The following PRDM16 variants were observed in gnomAD, a reference collection of about 807,000 sequenced individuals.
PRDM16 encodes the protein PR/SET domain 16.
Under a neutral mutation model 110.6 loss-of-function variants are expected in PRDM16, and 23 were observed. The observed-to-expected ratio is 0.21, with a 90% confidence interval of 0.15 to 0.29. The LOEUF is 0.29. Among genes scored for constraint, PRDM16 ranks in the 10% least tolerant of loss-of-function variants. The probability of loss-of-function intolerance (pLI) is 1.00; values close to 1 mark genes in which losing one functional copy is unlikely to be tolerated. For missense variants in PRDM16, 1,615 were observed against 1,794.3 expected, an observed-to-expected ratio of 0.90 and a Z score of 1.81; for synonymous variants, 799 against 781.8, an observed-to-expected ratio of 1.02 and a Z score of -0.37.
chr1:3,162,524 A>G (rs954816083), intron 1 of PRDM16, among the ~76,000 whole-genome samples: 24 of 152,022 alleles, frequency 1.6e-4, no homozygotes, highest in African/African-American at 4.3e-4. Flanking sequence ...TCGCAGGCCC[A>G]CGAAGGTCGT....
chr1:3,368,642 A>G (rs1204895075), intron 3 of PRDM16, among the ~76,000 whole-genome samples: 1 of 152,212 alleles, frequency 6.6e-6, no homozygotes, highest in African/African-American at 2.4e-5. Context: ...AGGATAGCAG[A>G]CAGGGACCCA....
Position 3,247,790 on chromosome 1 carries a change from C to T in PRDM16, c.438+3653C>T, listed in dbSNP as rs568597683. Among the ~76,000 whole-genome samples, 54 of 152,382 alleles carry T rather than the reference C, an allele frequency of 3.5e-4. 1 individual carries two copies. The South Asian group carries it at 9.9e-3, about 28-fold the overall frequency. On this transcript the variant is annotated intron_variant, in intron 3 of 16. Transcript: ENST00000270722. ...GCGCCCTGGGCGCGCGTCACCGGCGCTTCCCAAAAAGTCACATTGGCTGTG... is the reference window on the plus strand; with the variant it reads ...GCGCCCTGGGCGCGCGTCACCGGCGTTTCCCAAAAAGTCACATTGGCTGTG...
chr1:3,328,486 C>T (rs1255479250), intron 3 of PRDM16, among the ~76,000 whole-genome samples: 4 of 152,144 alleles, frequency 2.6e-5, no homozygotes, highest in Non-Finnish European at 4.4e-5. Context: ...GCAGCCGGGG[C>T]TCTTAGGAAA....
chr1:3,374,643 G>T (rs2368593), intron 3 of PRDM16, among the ~76,000 whole-genome samples: 56,061 of 152,026 alleles, frequency 0.37, 11,349 homozygotes, highest in East Asian at 0.66. Flanking sequence ...CCTCCGGAAG[G>T]GGGAGGGGGA....
At chr1:3,194,815 C>T (rs1638423626) in intron 2 of PRDM16, among the ~76,000 whole-genome samples, 2 of 152,114 alleles carry the variant, frequency 1.3e-5, no homozygotes, top group South Asian at 4.1e-4. Context: ...CGTTCCTGGC[C>T]TGCCCTTTCT....
intron 1 of PRDM16, among the ~76,000 whole-genome samples, chr1:3,095,622 G>T (rs915985500): frequency 6.6e-6 from 1 of 152,120 alleles, no homozygotes; most frequent in Admixed American, 6.5e-5. Flanking sequence ...TCCTCCTTCA[G>T]ATGCCCTAGG....
chr1:3,305,902 G>C (rs1396862391), intron 3 of PRDM16, among the ~76,000 whole-genome samples: 1 of 152,204 alleles, frequency 6.6e-6, no homozygotes, highest in Admixed American at 6.5e-5. Flanking sequence ...TTAACACTTT[G>C]CCACTAGCCA....
intron 3 of PRDM16, among the ~76,000 whole-genome samples, chr1:3,319,809 C>T (rs1308980354): frequency 1.3e-5 from 2 of 152,220 alleles, no homozygotes; most frequent in African/African-American, 4.8e-5. Context: ...CAGGTAGGCG[C>T]TCCTCCCATG....
intron 3 of PRDM16, among the ~76,000 whole-genome samples, chr1:3,384,845 G>T (rs1290902962): frequency 6.6e-6 from 1 of 152,192 alleles, no homozygotes; most frequent in Non-Finnish European, 1.5e-5. Flanking sequence ...TTTGCTGCGG[G>T]GGTGGGGGTT....
chr1:3,405,881 T>C (rs542016447), intron 8 of PRDM16, among the ~76,000 whole-genome samples: 38 of 152,272 alleles, frequency 2.5e-4, no homozygotes, highest in African/African-American at 9.1e-4. Context: ...CCTCCACGGC[T>C]CCCCTTGCTT....
At chr1:3,336,491 GGT>G (rs1358450842) in intron 3 of PRDM16, among the ~76,000 whole-genome samples, 2 of 150,904 alleles carry the variant, frequency 1.3e-5, no homozygotes, top group African/African-American at 4.9e-5. Flanking sequence ...CATGTGTGTT[GGT>G]GTGAGACTGA....
At chr1:3,161,725 G>C (rs988739754) in intron 1 of PRDM16, among the ~76,000 whole-genome samples, 3 of 152,194 alleles carry the variant, frequency 2.0e-5, no homozygotes, top group African/African-American at 7.2e-5. Flanking sequence ...TCTTTTTCTT[G>C]AAATACCAGA....
In PRDM16 at chr1:3,412,656, G is replaced by A. The variant is rs772528427; in HGVS notation, c.2459G>A (p.Arg820Gln). ...CGTGCCAGCCAAAACGGCGGCGGGCGGGAGCCCCGCAAGAACCACGTCTAT... is the reference window on the plus strand; with the variant it reads ...CGTGCCAGCCAAAACGGCGGCGGGCAGGAGCCCCGCAAGAACCACGTCTAT... ...RARASQNGGGREPRKNHVYGE... is the reference protein window; with the variant it reads ...RARASQNGGGQEPRKNHVYGE... Residue 820 changes from arginine (R) to glutamine (Q), a missense_variant, in exon 9 of 17, where the codon CGG becomes CAG. Transcript: ENST00000270722. 1.5e-5 allele frequency: 23 copies of A among 1,535,344 alleles called. No individual in the cohort carries two copies. The highest frequency in any genetic ancestry group is 2.4e-5 in the South Asian group (2 of 82,700).
At chr1:3,171,061 C>T (rs1214961006) in intron 1 of PRDM16, among the ~76,000 whole-genome samples, 5 of 152,120 alleles carry the variant, frequency 3.3e-5, no homozygotes, top group Non-Finnish European at 7.4e-5. Flanking sequence ...AGCGGGACCC[C>T]GCACCCCTCA....
chr1:3,173,610 T>G (rs966102904), intron 1 of PRDM16, among the ~76,000 whole-genome samples: 1 of 152,036 alleles, frequency 6.6e-6, no homozygotes, highest in Admixed American at 6.5e-5. Context: ...GACTTTGTGG[T>G]GGTCTGTGCA....
chr1:3,224,011 C>T (rs746768759), intron 2 of PRDM16, among the ~76,000 whole-genome samples: 10 of 152,130 alleles, frequency 6.6e-5, no homozygotes, highest in Admixed American at 1.3e-4. Flanking sequence ...TCTATGGCAC[C>T]GATCAGGGAT....
intron 3 of PRDM16, among the ~76,000 whole-genome samples, chr1:3,331,598 GAA>G (rs1642043203): frequency 6.6e-6 from 1 of 152,336 alleles, no homozygotes; most frequent in African/African-American, 2.4e-5. Context: ...CCAGATCCCG[GAA>G]AGGAAACACA....
chr1:3,126,009 G>T (rs988956562), intron 1 of PRDM16, among the ~76,000 whole-genome samples: 2 of 152,256 alleles, frequency 1.3e-5, no homozygotes, highest in African/African-American at 4.8e-5. Context: ...GTGAAACCTT[G>T]TAGAGAGCCC....
intron 4 of PRDM16, among the ~76,000 whole-genome samples, chr1:3,386,254 A>T (rs1181663933): frequency 6.6e-6 from 1 of 151,894 alleles, no homozygotes. Context: ...AAAGAAAAGG[A>T]TCCCATGGCT....
Sources: gnomAD v4.1 joint callset for allele counts (sites outside exome capture counted in the v4.1 genomes callset) on GRCh38, gnomAD v4.1.1 for gene constraint, MANE v1.5 for transcripts, NCBI Gene and HGNC (gene_info 2026-07-23, HGNC 2026-07-21) for gene names.